The following HLCS variants were observed in gnomAD, a reference collection of about 807,000 sequenced individuals.
HLCS encodes the protein holocarboxylase synthetase.
HLCS carries 53 observed loss-of-function variants against 75.0 expected under a neutral mutation model. That is an observed-to-expected ratio of 0.71 (90% CI 0.57 to 0.89). HLCS has a LOEUF of 0.89. HLCS is among the 40% of genes least tolerant of loss of function. HLCS has a pLI of 0.00. For missense variants in HLCS, 966 were observed against 1,074.0 expected, an observed-to-expected ratio of 0.90 and a Z score of 1.41; for synonymous variants, 431 against 428.6, an observed-to-expected ratio of 1.01 and a Z score of -0.07.
intron 1 of HLCS, among the ~76,000 whole-genome samples, chr21:36,963,404 A>C (rs1046827244): frequency 6.6e-6 from 1 of 152,220 alleles, no homozygotes; most frequent in Non-Finnish European, 1.5e-5. Flanking sequence ...ATAATGAATG[A>C]AAATTTAGGG....
intron 6 of HLCS, among the ~76,000 whole-genome samples, chr21:36,883,883 G>C (rs1450441436): frequency 1.3e-5 from 2 of 152,218 alleles, no homozygotes; most frequent in African/African-American, 4.8e-5. Context: ...TCCAGTGAAA[G>C]AGCAGGCTAG....
chr21:36,768,106 A>C (rs560268235), intron 6 of HLCS, among the ~76,000 whole-genome samples: 11 of 152,364 alleles, frequency 7.2e-5, no homozygotes, highest in African/African-American at 2.6e-4. Flanking sequence ...GTGCCCAGGA[A>C]TTGCCGATCA....
chr21:36,927,593 T>C (rs1299263091), intron 5 of HLCS, among the ~76,000 whole-genome samples: 1 of 152,200 alleles, frequency 6.6e-6, no homozygotes, highest in Admixed American at 6.5e-5. Context: ...TAATAGTACC[T>C]AGGACACAGT....
intron 6 of HLCS, among the ~76,000 whole-genome samples, chr21:36,782,525 A>C (rs1348573072): frequency 6.6e-6 from 1 of 152,172 alleles, no homozygotes; most frequent in Non-Finnish European, 1.5e-5. Flanking sequence ...AGAGGTCTGG[A>C]CCAGTTCTGG....
At chr21:36,909,751 C>T (rs937670441) in intron 5 of HLCS, among the ~76,000 whole-genome samples, 4 of 152,232 alleles carry the variant, frequency 2.6e-5, no homozygotes, top group Admixed American at 6.5e-5. Context: ...GGCCACATCA[C>T]TTTAGAGCGG....
chr21:36,831,676 C>T (rs929808592), intron 6 of HLCS, among the ~76,000 whole-genome samples: 1 of 152,112 alleles, frequency 6.6e-6, no homozygotes, highest in African/African-American at 2.4e-5. Flanking sequence ...GAGCAAGACT[C>T]CAACTCTAAA....
chr21:36,848,008 A>C (rs1377769464), intron 6 of HLCS, among the ~76,000 whole-genome samples: 1 of 152,222 alleles, frequency 6.6e-6, no homozygotes, highest in Non-Finnish European at 1.5e-5. Context: ...TCAAACGGAT[A>C]TACAATTAAC....
chr21:36,972,149 T>C (rs2068809361), intron 1 of HLCS: 1 of 152,092 alleles, frequency 6.6e-6, no homozygotes, highest in African/African-American at 2.4e-5. Flanking sequence ...AAACAGGACA[T>C]GGTACAAGAT....
At chr21:36,947,266 A>G (rs562756635) in intron 2 of HLCS, 1 of 756,914 alleles carries the variant, frequency 1.3e-6, no homozygotes, top group African/African-American at 1.9e-5. Flanking sequence ...GAAGGACCGG[A>G]AGAGCCCAAA....
chr21:36,886,420 G>A (rs978607565), intron 6 of HLCS, among the ~76,000 whole-genome samples: 5 of 130,588 alleles, frequency 3.8e-5, no homozygotes, highest in South Asian at 2.9e-4. Flanking sequence ...GCAACAGAGC[G>A]AGACTCCATC....
At chr21:36,825,916 G>C (rs1010509763) in intron 6 of HLCS, among the ~76,000 whole-genome samples, 1 of 152,220 alleles carries the variant, frequency 6.6e-6, no homozygotes, top group Non-Finnish European at 1.5e-5. Context: ...GGGAGCCATA[G>C]AGTGGGGACA....
chr21:36,948,485 T>C (rs533539751), intron 2 of HLCS, among the ~76,000 whole-genome samples: 3 of 151,860 alleles, frequency 2.0e-5, no homozygotes, highest in Admixed American at 6.5e-5. Flanking sequence ...TCCCAGCACT[T>C]GGGGAGGCCG....
At chr21:36,953,673 G>C (rs1320714168) in intron 2 of HLCS, among the ~76,000 whole-genome samples, 1 of 152,078 alleles carries the variant, frequency 6.6e-6, no homozygotes, top group Non-Finnish European at 1.5e-5. Context: ...ATTATTTTAT[G>C]CTAAAAAGGA....
At chr21:36,878,542 T>C (rs996551134) in intron 6 of HLCS, among the ~76,000 whole-genome samples, 1 of 152,184 alleles carries the variant, frequency 6.6e-6, no homozygotes, top group Non-Finnish European at 1.5e-5. Flanking sequence ...TTGTATTTAA[T>C]TTAGATCACA....
chr21:36,894,318 G>A (rs1237664160), intron 6 of HLCS, among the ~76,000 whole-genome samples: 1 of 152,134 alleles, frequency 6.6e-6, no homozygotes, highest in Non-Finnish European at 1.5e-5. Flanking sequence ...AGCAATGCGA[G>A]AACGAACTGA....
At chr21:36,906,300 G>A (rs2065452373) in intron 5 of HLCS, among the ~76,000 whole-genome samples, 1 of 152,144 alleles carries the variant, frequency 6.6e-6, no homozygotes, top group South Asian at 2.1e-4. Flanking sequence ...GGCTGAGTAT[G>A]GAGGATCACT....
chr21:36,862,460 C>CT, intron 6 of HLCS, among the ~76,000 whole-genome samples: 2 of 152,272 alleles, frequency 1.3e-5, no homozygotes, highest in Non-Finnish European at 2.9e-5. Context: ...TTGTTACTGC[C>CT]TTTTTTCTGA....
chr21:36,938,829 T>G lies in HLCS; in HGVS notation c.493+3A>C. 2 of 1,614,004 alleles carry G rather than the reference T, an allele frequency of 1.2e-6. No individual in the cohort carries two copies. The highest frequency in any genetic ancestry group is 1.7e-6 in the Non-Finnish European group (2 of 1,179,986). On this transcript the variant is annotated splice_donor_region_variant and intron_variant, in intron 3 of 10. Transcript: ENST00000674895. ...AATAAAAACATTTTCTAAAGTTACTTACACACAATCTTTTGGGGTACCAGT... is the reference window on the plus strand; with the variant it reads ...AATAAAAACATTTTCTAAAGTTACTGACACACAATCTTTTGGGGTACCAGT...
intron 6 of HLCS, among the ~76,000 whole-genome samples, chr21:36,785,207 C>T (rs1048805042): frequency 3.2e-4 from 49 of 152,232 alleles, no homozygotes; most frequent in African/African-American, 1.0e-3. Context: ...CCCTGCACCC[C>T]GCCCTGCCAG....
Sources: allele counts gnomAD v4.1 joint callset (sites outside exome capture counted in the v4.1 genomes callset), GRCh38; gene constraint gnomAD v4.1.1; transcripts MANE v1.5; gene names NCBI Gene and HGNC (gene_info 2026-07-23, HGNC 2026-07-21).